SIDT1: variants seen among roughly 807,000 people sequenced by gnomAD.
SIDT1 encodes SID1 transmembrane family member 1, also known as SID1 transmembrane family, member 1.
SIDT1 carries 101 observed loss-of-function variants against 107.5 expected under a neutral mutation model. That is an observed-to-expected ratio of 0.94 (90% CI 0.80 to 1.11). The LOEUF is 1.11. Among genes scored for constraint, SIDT1 ranks in the 50% least tolerant of loss-of-function variants. The pLI, the probability that SIDT1 is intolerant of heterozygous loss-of-function variation, is 0.00. For synonymous variants in SIDT1, 395 were observed against 398.2 expected, an observed-to-expected ratio of 0.99 and a Z score of 0.10; for missense variants, 1,076 against 1,058.2, an observed-to-expected ratio of 1.02 and a Z score of -0.23.
intron 1 of SIDT1, among the ~76,000 whole-genome samples, chr3:113,539,787 G>C (rs1938596154): frequency 1.2e-4 from 18 of 152,246 alleles, no homozygotes; most frequent in African/African-American, 4.3e-4. Context: ...TGGATCACCT[G>C]AGGTCATGAG....
At chr3:113,554,751 G>A (rs1576744571) in intron 1 of SIDT1, among the ~76,000 whole-genome samples, 1 of 152,020 alleles carries the variant, frequency 6.6e-6, no homozygotes, top group African/African-American at 2.4e-5. Flanking sequence ...TTAGCTAGAG[G>A]TAGAACCCCT....
chr3:113,538,875 G>A (rs752952894), intron 1 of SIDT1, among the ~76,000 whole-genome samples: 1 of 152,178 alleles, frequency 6.6e-6, no homozygotes, highest in Admixed American at 6.5e-5. Context: ...TACGTCAAAG[G>A]TGGTATGGTA....
chr3:113,623,917 G>C (rs987590318), intron 23 of SIDT1, among the ~76,000 whole-genome samples, 184 bp downstream of exon 23: 5 of 152,214 alleles, frequency 3.3e-5, no homozygotes, highest in Admixed American at 3.3e-4. Context: ...TCTCAGGGTG[G>C]CACTTTATAA....
At position 113,627,805 on chromosome 3, in the gene SIDT1, C is replaced by A; in HGVS notation, c.*97C>A. The A allele has an allele frequency of 9.0e-7, 1 of 1,113,432 alleles. No homozygotes were observed. The highest frequency in any genetic ancestry group is 1.3e-5 in the South Asian group (1 of 77,220). The allele number at this position is 1,113,432 out of a possible 1,614,324, so 69.0% of individuals were successfully genotyped here. ...GCAAAGTAACCACTGCCAGATGCTC[C>A]ACTCACCCTCTGTAGAGCCAACTCT... is the stretch of plus-strand genomic sequence containing the variant. On this transcript the variant is annotated 3_prime_UTR_variant, in exon 25 of 25. Coordinates refer to ENST00000264852, the MANE Select transcript of SIDT1 (RefSeq NM_017699.3).
chr3:113,616,237 A>T, intron 20 of SIDT1, 61 bp downstream of exon 20: 1 of 1,347,158 alleles, frequency 7.4e-7, no homozygotes, highest in Non-Finnish European at 1.1e-6. Context: ...TAGTAGGAGG[A>T]ACAGGCTTGG....
chr3:113,626,209 ATTCT>A lies in SIDT1; in HGVS notation c.2417_2420del (p.Phe806TrpfsTer4), dbSNP rs1194574103. On this transcript the variant is annotated frameshift_variant and splice_region_variant, in exon 24 of 25. Coordinates refer to ENST00000264852, the MANE Select transcript of SIDT1 (RefSeq NM_017699.3). LOFTEE classifies it high-confidence loss of function. Reference sequence around the variant, plus strand: ...TCTCTGCTACTGCTCTGTTTTTCTCATTCTTGGTGAGTTCATATCTATCTTTTTG... The same window carrying A: ...TCTCTGCTACTGCTCTGTTTTTCTCATGGTGAGTTCATATCTATCTTTTTG... 15 of 1,603,648 alleles carry A rather than the reference ATTCT, an allele frequency of 9.4e-6. No individual in the cohort carries two copies. Among genetic ancestry groups the A allele is most frequent in the Non-Finnish European group, 1.2e-5 (14 of 1,171,454 alleles).
intron 4 of SIDT1, 95 bp downstream of exon 4, chr3:113,577,062 G>T: frequency 8.4e-7 from 1 of 1,195,200 alleles, no homozygotes; most frequent in East Asian, 2.3e-5. Context: ...GTTAGCGTGT[G>T]GTGTTGCCCT....
intron 1 of SIDT1, among the ~76,000 whole-genome samples, chr3:113,565,141 T>A (rs74722029): frequency 5.8e-4 from 89 of 152,330 alleles, no homozygotes; most frequent in African/African-American, 2.1e-3. Flanking sequence ...AAACAAAATC[T>A]CATGTGGAAG....
intron 10 of SIDT1, among the ~76,000 whole-genome samples, chr3:113,596,343 A>T (rs1944549615): frequency 6.6e-6 from 1 of 152,096 alleles, no homozygotes; most frequent in Non-Finnish European, 1.5e-5. Context: ...TCTGTGCGCT[A>T]CTCTGCATTT....
chr3:113,533,142 G>T lies in SIDT1; in HGVS notation c.121G>T (p.Asp41Tyr). The T allele has an allele frequency of 6.4e-7, 1 of 1,573,438 alleles. No individual in the cohort carries two copies. Among genetic ancestry groups the T allele is most frequent in the Non-Finnish European group, 8.6e-7 (1 of 1,161,756 alleles). Residue 41 changes from aspartate to tyrosine, a missense_variant, in exon 1 of 25, where the codon GAC becomes TAC. Physicochemically the swap from Asp to Tyr is radical, Grantham distance 160. Coordinates refer to ENST00000264852, the MANE Select transcript of SIDT1 (RefSeq NM_017699.3). ...CCCGGCACCGCGCCGCGACCCCTTC[G>T]ACGCTGCCAGGGGCGCCGATTTCGA... ...QPPAPRRDPF[D>Y]AARGADFDHV...
intron 7 of SIDT1, among the ~76,000 whole-genome samples, chr3:113,583,822 G>T (rs148473778): frequency 6.6e-6 from 1 of 152,100 alleles, no homozygotes; most frequent in Non-Finnish European, 1.5e-5. Flanking sequence ...CTTACACAGC[G>T]ATCAAAGTCC....
intron 17 of SIDT1, among the ~76,000 whole-genome samples, chr3:113,610,747 G>T (rs1341405629): frequency 6.6e-6 from 1 of 152,166 alleles, no homozygotes; most frequent in African/African-American, 2.4e-5. Context: ...TGAAAGAGGA[G>T]TTATTTATTT....
chr3:113,539,858 G>A (rs1938607167), intron 1 of SIDT1, among the ~76,000 whole-genome samples: 1 of 152,080 alleles, frequency 6.6e-6, no homozygotes, highest in Non-Finnish European at 1.5e-5. Flanking sequence ...CAAAAAAGTA[G>A]CCGGATGTGG....
intron 1 of SIDT1, among the ~76,000 whole-genome samples, chr3:113,539,442 T>G (rs1938553935): frequency 6.6e-6 from 1 of 152,186 alleles, no homozygotes; most frequent in Admixed American, 6.5e-5. Flanking sequence ...CCAAGTCTAT[T>G]CCTTGGAGCA....
intron 9 of SIDT1, among the ~76,000 whole-genome samples, chr3:113,588,073 A>G (rs988011780): frequency 6.6e-6 from 1 of 152,214 alleles, no homozygotes; most frequent in Non-Finnish European, 1.5e-5. Flanking sequence ...CTCATTAGTT[A>G]GCTAGTATAG....
intron 23 of SIDT1, among the ~76,000 whole-genome samples, chr3:113,624,072 A>G (rs1207674562): frequency 1.3e-5 from 2 of 152,130 alleles, no homozygotes; most frequent in Non-Finnish European, 1.5e-5. Flanking sequence ...ATCAACAAAT[A>G]CCCAAGCTGA....
chr3:113,625,342 T>C (rs1402675684), intron 23 of SIDT1, among the ~76,000 whole-genome samples: 1 of 149,786 alleles, frequency 6.7e-6, no homozygotes, highest in Non-Finnish European at 1.5e-5. Context: ...TTTCACCATG[T>C]TGGCCAGGCT....
chr3:113,580,532 AT>A, intron 4 of SIDT1, 75 bp from the exon 5 acceptor site: 1 of 862,668 alleles, frequency 1.2e-6, no homozygotes. Flanking sequence ...TTACGTATAA[AT>A]TTTGTGCCTA....
rs1220544610 is a variant in SIDT1, at chr3:113,611,180, A to T, written c.1857+36A>T. The T allele has an allele frequency of 2.5e-6, 4 of 1,607,566 alleles. No individual in the cohort carries two copies. In the South Asian group the frequency reaches 4.4e-5, roughly 18 times the overall value. On this transcript the variant is annotated intron_variant, in intron 18 of 24. Coordinates refer to ENST00000264852, the MANE Select transcript of SIDT1 (RefSeq NM_017699.3). ...CACCTTCTTCCACCTGGCTCTCGAA[A>T]AGTGCCCCCCTAGGTCCAATAAACA...
Sources: gnomAD v4.1 joint callset for allele counts (sites outside exome capture counted in the v4.1 genomes callset) on GRCh38, gnomAD v4.1.1 for gene constraint, MANE v1.5 for transcripts, NCBI Gene and HGNC (gene_info 2026-07-23, HGNC 2026-07-21) for gene names.